Variants in DTD1 observed in about 807,000 individuals in gnomAD.
The protein encoded by DTD1 is D-tyrosyl-tRNA deacylase 1 homolog.
In DTD1, 13 loss-of-function variants were observed where a neutral mutation model predicts 25.6. That is an observed-to-expected ratio of 0.51 (90% CI 0.33 to 0.81). The LOEUF (loss-of-function observed/expected upper bound fraction) is 0.81. Among genes scored for constraint, DTD1 ranks in the 30% least tolerant of loss-of-function variants. DTD1 has a pLI of 0.02. For synonymous variants in DTD1, 110 were observed against 103.6 expected (o/e 1.06, Z -0.37); for missense variants, 193 against 266.4 (o/e 0.72, Z 1.92).
At chr20:18,656,245 A>T (rs959657998) in intron 4 of DTD1, among the ~76,000 whole-genome samples, 4 of 152,184 alleles carry the variant, frequency 2.6e-5, no homozygotes, top group Admixed American at 6.5e-5. Flanking sequence ...GATAATTTTT[A>T]GCACTTTGGC....
At chr20:18,652,908 A>T (rs1320780162) in intron 4 of DTD1, among the ~76,000 whole-genome samples, 3 of 152,180 alleles carry the variant, frequency 2.0e-5, no homozygotes, top group Admixed American at 2.0e-4. Flanking sequence ...GGATGCTTTC[A>T]TGTCTGTTTA....
chr20:18,611,217 G>A (rs1226546949), intron 3 of DTD1: 1 of 152,182 alleles, frequency 6.6e-6, no homozygotes, highest in African/African-American at 2.4e-5. Context: ...TGAACTTCCA[G>A]AAGTCCTACA....
chr20:18,721,991 C>T (rs2122493436), intron 4 of DTD1, among the ~76,000 whole-genome samples: 1 of 152,326 alleles, frequency 6.6e-6, no homozygotes, highest in Non-Finnish European at 1.5e-5. Flanking sequence ...CCCAGGGCTC[C>T]ATGAGGACCT....
chr20:18,590,982 A>G (rs1419927495), intron 1 of DTD1, among the ~76,000 whole-genome samples: 1 of 152,218 alleles, frequency 6.6e-6, no homozygotes, highest in Non-Finnish European at 1.5e-5. Flanking sequence ...TTAACTTCAA[A>G]GGTTATGAAT....
chr20:18,668,901 G>A (rs541467933), intron 4 of DTD1, among the ~76,000 whole-genome samples: 15 of 152,306 alleles, frequency 9.8e-5, no homozygotes, highest in African/African-American at 3.1e-4. Flanking sequence ...TTTTGCAGCT[G>A]TGGCCACCTT....
At chr20:18,695,818 G>A (rs747200786) in intron 4 of DTD1, among the ~76,000 whole-genome samples, 6 of 151,436 alleles carry the variant, frequency 4.0e-5, no homozygotes, top group East Asian at 3.9e-4. Flanking sequence ...CTACAGGCGC[G>A]TGCCACTACA....
chr20:18,741,447 A>G (rs938336661), intron 4 of DTD1, among the ~76,000 whole-genome samples: 8 of 152,166 alleles, frequency 5.3e-5, no homozygotes, highest in African/African-American at 1.9e-4. Context: ...ACTGATTAGT[A>G]ACTCTGCTCT....
At chr20:18,752,683 C>T (rs958883687) in intron 5 of DTD1, among the ~76,000 whole-genome samples, 1 of 152,220 alleles carries the variant, frequency 6.6e-6, no homozygotes, top group Non-Finnish European at 1.5e-5. Context: ...TAGTCCCAGT[C>T]TGATTCTGGG....
intron 4 of DTD1, among the ~76,000 whole-genome samples, chr20:18,740,621 G>A (rs2122516301): frequency 6.6e-6 from 1 of 152,260 alleles, no homozygotes; most frequent in East Asian, 1.9e-4. Context: ...AAAGAAATTG[G>A]GGAGTCTAGC....
At chr20:18,597,218 T>C (rs1781568091) in intron 3 of DTD1, among the ~76,000 whole-genome samples, 1 of 150,924 alleles carries the variant, frequency 6.6e-6, no homozygotes, top group Non-Finnish European at 1.5e-5. Context: ...GAAGGAGCTA[T>C]AGATGGTGTT....
At chr20:18,708,186 ATATATATATTATATATATATTT>A (rs2061134821) in intron 4 of DTD1, among the ~76,000 whole-genome samples, 2 of 84,872 alleles carry the variant, frequency 2.4e-5, no homozygotes, top group African/African-American at 9.5e-5. Context: ...TATATATTTT[ATATATATATTATATATATATTT>A]TATATATATA....
At chr20:18,619,465 T>C (rs974002932) in intron 3 of DTD1, among the ~76,000 whole-genome samples, 1 of 152,082 alleles carries the variant, frequency 6.6e-6, no homozygotes, top group Non-Finnish European at 1.5e-5. Flanking sequence ...CACTCTGTTG[T>C]CCAGGCTGGA....
At chr20:18,658,189 A>ATGTGTGTG (rs60197503) in intron 4 of DTD1, among the ~76,000 whole-genome samples, 2,320 of 146,208 alleles carry the variant, frequency 0.016, 26 homozygotes, top group Non-Finnish European at 0.022. Flanking sequence ...AGAGTCTGAG[A>ATGTGTGTG]TGTGTGTGTG....
At chr20:18,651,686 T>G (rs189981816) in intron 4 of DTD1, among the ~76,000 whole-genome samples, 1 of 152,142 alleles carries the variant, frequency 6.6e-6, no homozygotes. Flanking sequence ...TTCAGTGAAA[T>G]TTTTCTGGAG....
At chr20:18,730,834 A>G (rs952333127) in intron 4 of DTD1, among the ~76,000 whole-genome samples, 8 of 152,048 alleles carry the variant, frequency 5.3e-5, no homozygotes, top group African/African-American at 1.9e-4. Flanking sequence ...ATATTTTCTG[A>G]ATATTTGCGT....
intron 3 of DTD1, among the ~76,000 whole-genome samples, chr20:18,606,722 G>C (rs1395145867): frequency 7.7e-6 from 1 of 129,664 alleles, no homozygotes; most frequent in East Asian, 2.3e-4. Flanking sequence ...GGTGGGAATT[G>C]AACAGTGAGA....
intron 4 of DTD1, among the ~76,000 whole-genome samples, chr20:18,668,339 G>A (rs2060939625): frequency 6.6e-6 from 1 of 152,188 alleles, no homozygotes; most frequent in South Asian, 2.1e-4. Flanking sequence ...TTCTGTTTAT[G>A]GGATGTCAGT....
chr20:18,699,794 A>G (rs34825170), intron 4 of DTD1, among the ~76,000 whole-genome samples: 47,217 of 152,056 alleles, frequency 0.31, 8,131 homozygotes, highest in South Asian at 0.43. Context: ...GTGTGTACAC[A>G]TATGTATCTT....
intron 4 of DTD1, among the ~76,000 whole-genome samples, chr20:18,680,959 C>T (rs1453854899): frequency 6.6e-6 from 1 of 152,200 alleles, no homozygotes; most frequent in Non-Finnish European, 1.5e-5. Context: ...CATAGAGAGA[C>T]TTTTGTTTTG....
Sources: allele counts gnomAD v4.1 joint callset (sites outside exome capture counted in the v4.1 genomes callset), GRCh38; gene constraint gnomAD v4.1.1; transcripts MANE v1.5; gene names NCBI Gene and HGNC (gene_info 2026-07-23, HGNC 2026-07-21).